The following CPS1 variants were observed in gnomAD, a reference collection of about 807,000 sequenced individuals.
The protein encoded by CPS1 is carbamoyl-phosphate synthase [ammonia], mitochondrial.
A neutral mutation model predicts 174.6 loss-of-function variants in CPS1; 109 were observed. That is an observed-to-expected ratio of 0.62 (90% CI 0.53 to 0.73). The LOEUF (loss-of-function observed/expected upper bound fraction) is 0.73. Among genes scored for constraint, CPS1 ranks in the 30% least tolerant of loss-of-function variants. The probability of loss-of-function intolerance (pLI) is 0.00; values close to 1 mark genes in which losing one functional copy is unlikely to be tolerated. For synonymous variants in CPS1, 637 were observed against 632.0 expected, an observed-to-expected ratio of 1.01 and a Z score of -0.12; for missense variants, 1,689 against 1,821.9, an observed-to-expected ratio of 0.93 and a Z score of 1.33.
At chr2:210,511,320 G>T (rs1288829983) in intron 1 of CPS1, among the ~76,000 whole-genome samples, 1 of 152,038 alleles carries the variant, frequency 6.6e-6, no homozygotes, top group Non-Finnish European at 1.5e-5. Context: ...TCATAGGTGG[G>T]AAATGAACAA....
At chr2:210,671,372 G>A (rs1475928641) in intron 34 of CPS1, among the ~76,000 whole-genome samples, 2 of 152,144 alleles carry the variant, frequency 1.3e-5, no homozygotes, top group Admixed American at 6.5e-5. Context: ...AGAGGTCCCC[G>A]TAGAATCCAC....
intron 1 of CPS1, among the ~76,000 whole-genome samples, chr2:210,561,331 G>A (rs1040606052): frequency 1.3e-5 from 2 of 152,152 alleles, no homozygotes; most frequent in East Asian, 1.9e-4. Context: ...TGGGTCAGAA[G>A]CTAAGCATTC....
intron 15 of CPS1, among the ~76,000 whole-genome samples, 175 bp downstream of exon 15, chr2:210,600,887 A>G (rs760602278): frequency 2.0e-5 from 3 of 151,974 alleles, no homozygotes; most frequent in Non-Finnish European, 4.4e-5. Flanking sequence ...TGCTGAAATT[A>G]TAGGTATTAA....
chr2:210,508,970 A>G (rs1027419669), intron 1 of CPS1, among the ~76,000 whole-genome samples: 106 of 152,320 alleles, frequency 7.0e-4, no homozygotes, highest in African/African-American at 2.4e-3. Context: ...AGCTGGTACC[A>G]TTCCTTCTGA....
At chr2:210,499,715 C>G (rs555820610) in intron 1 of CPS1, among the ~76,000 whole-genome samples, 2 of 152,264 alleles carry the variant, frequency 1.3e-5, no homozygotes, top group East Asian at 3.9e-4. Flanking sequence ...AAAAAGTGCT[C>G]TCCCTCAGCC....
At chr2:210,528,081 T>G (rs1339528808) in intron 1 of CPS1, among the ~76,000 whole-genome samples, 1 of 151,946 alleles carries the variant, frequency 6.6e-6, no homozygotes, top group African/African-American at 2.4e-5. Context: ...CTCTTTAAAG[T>G]GCTTACATCC....
Position 210,558,180 on chromosome 2 carries a change from T to G in CPS1, c.126+1321T>G, listed in dbSNP as rs560077617. Reference sequence around the variant, plus strand: ...AGTATAGGAAATTACCATTTTAAATTAAGAAAACCAGAAAGGAAAATGTCT... The same window carrying G: ...AGTATAGGAAATTACCATTTTAAATGAAGAAAACCAGAAAGGAAAATGTCT... On this transcript the variant is annotated intron_variant, in intron 1 of 37. Transcript: ENST00000233072. Among the ~76,000 whole-genome samples the G allele has an allele frequency of 2.0e-5, 3 of 152,144 alleles. No individual in the cohort carries two copies. In the East Asian group the frequency reaches 5.8e-4, roughly 29 times the overall value.
rs529644325 is a variant in CPS1, at chr2:210,587,219, G to A, written c.622-839G>A. ...GTAGATATTTCAGTCAAAATAAACTGTTCTTTCAAATACTCAGTTTGTACT... is the reference window on the plus strand; with the variant it reads ...GTAGATATTTCAGTCAAAATAAACTATTCTTTCAAATACTCAGTTTGTACT... On this transcript the variant is annotated intron_variant, in intron 6 of 37. Coordinates refer to ENST00000233072, the MANE Select transcript of CPS1 (RefSeq NM_001875.5). Among the ~76,000 whole-genome samples the A allele has an allele frequency of 3.9e-5, 6 of 152,142 alleles. No individual in the cohort carries two copies. The East Asian group carries it at 9.7e-4, about 25-fold the overall frequency.
intron 1 of CPS1, chr2:210,519,498 C>T (rs3915693): frequency 0.6 from 91,732 of 151,968 alleles, 28,231 homozygotes; most frequent in South Asian, 0.68. Context: ...AGTAGTTTGG[C>T]ATAGGTCTAA....
At chr2:210,593,887 AGTAGTT>A (rs1480549616) in intron 11 of CPS1, among the ~76,000 whole-genome samples, 1 of 152,020 alleles carries the variant, frequency 6.6e-6, no homozygotes, top group African/African-American at 2.4e-5. Context: ...ACACATGCTA[AGTAGTT>A]TTTTAATTTA....
At chr2:210,487,677 A>T (rs966802984) in intron 1 of CPS1, among the ~76,000 whole-genome samples, 5 of 150,458 alleles carry the variant, frequency 3.3e-5, no homozygotes, top group Non-Finnish European at 4.4e-5. Context: ...AGTTGTTTAG[A>T]ACATTGTGAT....
chr2:210,502,602 T>A (rs1303745983), intron 1 of CPS1, among the ~76,000 whole-genome samples: 1 of 151,716 alleles, frequency 6.6e-6, no homozygotes, highest in Non-Finnish European at 1.5e-5. Context: ...GTTTGAACAA[T>A]TTTGGAGTGG....
chr2:210,667,313 CTT>C (rs774067381), intron 33 of CPS1, among the ~76,000 whole-genome samples: 20 of 152,130 alleles, frequency 1.3e-4, no homozygotes, highest in Non-Finnish European at 2.8e-4. Context: ...ACTGAATACT[CTT>C]TATTTCCTTC....
chr2:210,663,103 G>GT lies in CPS1; in HGVS notation c.3928-8dup, dbSNP rs397703682. On this transcript the variant is annotated intron_variant, in intron 32 of 37. Transcript: ENST00000233072. ...TTTCCCTCACATAATTTTTCTCCCTGTTTTTTTTTTTTCCAACAGGCTCCC... is the reference window on the plus strand; with the variant it reads ...TTTCCCTCACATAATTTTTCTCCCTGTTTTTTTTTTTTTCCAACAGGCTCCC... The GT allele has an allele frequency of 1.4e-3, 1,729 of 1,275,976 alleles. No homozygotes were observed. Among genetic ancestry groups the GT allele is most frequent in the African/African-American group, 1.8e-3 (120 of 68,026 alleles). 79.0% of individuals were successfully genotyped at this position (1,275,976 alleles called of 1,614,324 possible).
intron 34 of CPS1, among the ~76,000 whole-genome samples, chr2:210,670,680 G>A (rs1701271007): frequency 6.6e-6 from 1 of 152,132 alleles, no homozygotes; most frequent in African/African-American, 2.4e-5. Flanking sequence ...TCCAATGGAA[G>A]GCATCTAGTT....
Position 210,667,421 on chromosome 2 carries a change from T to C in CPS1, c.4003-765T>C, listed in dbSNP as rs146374161. On this transcript the variant is annotated intron_variant, in intron 33 of 37. Transcript: ENST00000233072. The stretch of plus-strand genomic sequence containing the variant: ...AGAATTGACTCCTATCAGGTTCAAA[T>C]ATACCACTTGTTCTATAATTATGTT... Among the ~76,000 whole-genome samples the C allele has an allele frequency of 1.6e-4, 24 of 152,330 alleles. No homozygotes were observed. In the East Asian group the frequency reaches 4.4e-3, roughly 28 times the overall value.
At chr2:210,480,681 C>T (rs1694543292) in intron 1 of CPS1, among the ~76,000 whole-genome samples, 1 of 152,222 alleles carries the variant, frequency 6.6e-6, no homozygotes, top group African/African-American at 2.4e-5. Flanking sequence ...GACAGACACA[C>T]ACATACAAAA....
chr2:210,662,532 A>G (rs1224707896), intron 32 of CPS1, among the ~76,000 whole-genome samples: 2 of 152,226 alleles, frequency 1.3e-5, no homozygotes, highest in African/African-American at 2.4e-5. Context: ...CATGAATTGC[A>G]TCAGTAAAAT....
At chr2:210,502,424 T>C (rs964133323) in intron 1 of CPS1, among the ~76,000 whole-genome samples, 1 of 145,868 alleles carries the variant, frequency 6.9e-6, no homozygotes, top group African/African-American at 2.5e-5. Context: ...AATATATATA[T>C]AAAAGAGAGA....
Sources: allele counts gnomAD v4.1 joint callset (sites outside exome capture counted in the v4.1 genomes callset), GRCh38; gene constraint gnomAD v4.1.1; transcripts MANE v1.5; gene names NCBI Gene and HGNC (gene_info 2026-07-23, HGNC 2026-07-21).